Variants in ALDH8A1 observed in about 807,000 individuals in gnomAD.
ALDH8A1 encodes the protein 2-aminomuconic semialdehyde dehydrogenase.
A neutral mutation model predicts 43.3 loss-of-function variants in ALDH8A1; 39 were observed. That is an observed-to-expected ratio of 0.90 (90% CI 0.70 to 1.18). ALDH8A1 has a LOEUF of 1.18. Among genes scored for constraint, ALDH8A1 ranks in the 50% most tolerant of loss-of-function variants. ALDH8A1 has a pLI of 0.00. For missense variants in ALDH8A1, 605 were observed against 622.6 expected, an observed-to-expected ratio of 0.97 and a Z score of 0.30; for synonymous variants, 233 against 243.5, an observed-to-expected ratio of 0.96 and a Z score of 0.40.
At chr6:134,936,278 C>T (rs1321491569) in intron 4 of ALDH8A1, among the ~76,000 whole-genome samples, 10 of 152,218 alleles carry the variant, frequency 6.6e-5, no homozygotes, top group Non-Finnish European at 1.3e-4. Flanking sequence ...CATTGCATCT[C>T]TTTACCCAAC....
chr6:134,940,384 T>C (rs1162257042), intron 3 of ALDH8A1, among the ~76,000 whole-genome samples: 1 of 152,184 alleles, frequency 6.6e-6, no homozygotes, highest in African/African-American at 2.4e-5. Context: ...AACATGTTTC[T>C]TTACCTTTAC....
chr6:134,931,106 T>C (rs1776978561), intron 5 of ALDH8A1, among the ~76,000 whole-genome samples: 1 of 152,192 alleles, frequency 6.6e-6, no homozygotes, highest in Non-Finnish European at 1.5e-5. Flanking sequence ...TTTGTGACCT[T>C]GGATTAGCCA....
intron 4 of ALDH8A1, among the ~76,000 whole-genome samples, chr6:134,937,417 C>G (rs925554413): frequency 6.6e-6 from 1 of 152,178 alleles, no homozygotes; most frequent in Non-Finnish European, 1.5e-5. Context: ...ACATGACCCC[C>G]TCTATATTTG....
rs1299311529 is a variant in ALDH8A1 at position 134,939,359 on chromosome 6, G to C, written c.499C>G (p.Pro167Ala). 6.2e-7 allele frequency: 1 copy of C among 1,614,068 alleles called. No homozygotes were observed. ...PLYLLTWKIA[P>A]AMAAGNTVIA... ...ACAGTGTTCCCTGCAGCCATCGCTG[G>C]AGCTATCTTCCAGGTCAGCAAGTAG... The change falls in exon 4 of 7, where the codon CCA becomes GCA. Residue 167 changes from proline (P) to alanine (A), a missense_variant. Coordinates refer to ENST00000265605, the MANE Select transcript of ALDH8A1 (RefSeq NM_022568.4).
chr6:134,923,790 G>GC (rs1444632785), intron 6 of ALDH8A1, among the ~76,000 whole-genome samples: 4 of 152,166 alleles, frequency 2.6e-5, no homozygotes, highest in African/African-American at 9.7e-5. Context: ...AGGACTAGTG[G>GC]CCTTCTCATT....
intron 6 of ALDH8A1, among the ~76,000 whole-genome samples, chr6:134,924,511 T>C (rs374474999): frequency 1.2e-4 from 19 of 152,334 alleles, no homozygotes; most frequent in Admixed American, 3.3e-4. Flanking sequence ...ACCTTCCTCA[T>C]TTTACCTTTA....
chr6:134,925,212 G>A (rs142640920), intron 6 of ALDH8A1, among the ~76,000 whole-genome samples: 28 of 152,240 alleles, frequency 1.8e-4, no homozygotes, highest in African/African-American at 6.0e-4. Flanking sequence ...TACTTGTGAC[G>A]TAAGCTGGAA....
At chr6:134,936,670 C>T (rs1480551348) in intron 4 of ALDH8A1, among the ~76,000 whole-genome samples, 3 of 152,188 alleles carry the variant, frequency 2.0e-5, no homozygotes, top group Admixed American at 1.3e-4. Flanking sequence ...CAGTAAAATG[C>T]GCTCACTGCG....
At chr6:134,923,420 T>A (rs535499320) in intron 6 of ALDH8A1, among the ~76,000 whole-genome samples, 1 of 152,320 alleles carries the variant, frequency 6.6e-6, no homozygotes, top group South Asian at 2.1e-4. Context: ...AAGTTTTTTT[T>A]AAAAGATAAA....
intron 1 of ALDH8A1, among the ~76,000 whole-genome samples, chr6:134,947,078 C>A (rs935469101): frequency 1.3e-5 from 2 of 152,192 alleles, no homozygotes. Context: ...TAAATCCATG[C>A]ATTTACAGCC....
At chr6:134,937,650 C>T (rs748720501) in intron 4 of ALDH8A1, among the ~76,000 whole-genome samples, 3 of 152,178 alleles carry the variant, frequency 2.0e-5, no homozygotes, top group South Asian at 4.1e-4. Flanking sequence ...CGGCTCTGCA[C>T]GCCACCCCTG....
intron 5 of ALDH8A1, 31 bp from the exon 6 acceptor site, chr6:134,929,246 C>T (rs201771229): frequency 6.5e-5 from 105 of 1,606,364 alleles, no homozygotes; most frequent in African/African-American, 8.0e-5. Flanking sequence ...GATAAGGCTG[C>T]GGACACTCTC....
chr6:134,942,265 A>C, intron 3 of ALDH8A1, 144 bp downstream of exon 3: 1 of 1,026,258 alleles, frequency 9.7e-7, no homozygotes, highest in Non-Finnish European at 1.3e-6. Context: ...AACTAGAAAT[A>C]GATCTTTGAG....
chr6:134,948,803 C>T (rs1244280167), intron 1 of ALDH8A1, among the ~76,000 whole-genome samples: 1 of 152,154 alleles, frequency 6.6e-6, no homozygotes, highest in Non-Finnish European at 1.5e-5. Flanking sequence ...AAGTTATGAG[C>T]CATTAGCTGC....
chr6:134,932,656 C>A, intron 5 of ALDH8A1, 120 bp downstream of exon 5: 2 of 1,393,596 alleles, frequency 1.4e-6, no homozygotes, highest in Non-Finnish European at 2.0e-6. Context: ...ATGTACTGAT[C>A]CTGCTTTCTC....
At chr6:134,941,926 T>A (rs1232117426) in intron 3 of ALDH8A1, among the ~76,000 whole-genome samples, 2 of 151,794 alleles carry the variant, frequency 1.3e-5, no homozygotes, top group Admixed American at 6.6e-5. Context: ...TCCAGATAAG[T>A]CATGAACATG....
At position 134,942,235 on chromosome 6, in the gene ALDH8A1, A is replaced by C. The variant is rs1256205893; in HGVS notation, c.442+174T>G. On this transcript the variant is annotated intron_variant, in intron 3 of 6. Transcript: ENST00000265605. Reference sequence around the variant, plus strand: ...ACGCTGTCTAAAAAGAAAAGCAGGGAATTTGACACAAAGAAAATAAACTAG... The same window carrying C: ...ACGCTGTCTAAAAAGAAAAGCAGGGCATTTGACACAAAGAAAATAAACTAG... 7.2e-6 allele frequency: 6 copies of C among 838,646 alleles called. No homozygotes were observed. The East Asian group carries it at 1.5e-4, about 21-fold the overall frequency. The allele number at this position is 838,646 out of a possible 1,614,324, so 52.0% of individuals were successfully genotyped here. A position where few individuals can be genotyped will look rare whatever the true frequency, so the allele number is the denominator to read the frequency against.
Position 134,928,467 on chromosome 6 carries a change from AATGT to A in ALDH8A1, c.1011+583_1011+586del, listed in dbSNP as rs533989046. ...GAAAGCAGAGTCCTTCTGACTCCAAAATGTATGACTTATTTTGGGAGTCACATGT... is the reference window on the plus strand; with the variant it reads ...GAAAGCAGAGTCCTTCTGACTCCAAAATGACTTATTTTGGGAGTCACATGT... On this transcript the variant is annotated intron_variant, in intron 6 of 6. Coordinates refer to ENST00000265605, the MANE Select transcript of ALDH8A1 (RefSeq NM_022568.4). 5.9e-5 allele frequency among the ~76,000 whole-genome samples: 9 copies of A among 152,336 alleles called. No individual in the cohort carries two copies. In the South Asian group the frequency reaches 1.7e-3, roughly 28 times the overall value.
intron 4 of ALDH8A1, among the ~76,000 whole-genome samples, chr6:134,933,804 G>A (rs576279124): frequency 1.3e-5 from 2 of 152,134 alleles, no homozygotes; most frequent in Non-Finnish European, 2.9e-5. Context: ...TGCCTCCCAG[G>A]TTCAAGAGAT....
Sources: gnomAD v4.1 joint callset for allele counts (sites outside exome capture counted in the v4.1 genomes callset) on GRCh38, gnomAD v4.1.1 for gene constraint, MANE v1.5 for transcripts, NCBI Gene and HGNC (gene_info 2026-07-23, HGNC 2026-07-21) for gene names.